MYO1C: variants seen among roughly 807,000 people sequenced by gnomAD.
MYO1C encodes unconventional myosin-Ic.
MYO1C carries 104 observed loss-of-function variants against 150.8 expected under a neutral mutation model. That is an observed-to-expected ratio of 0.69 (90% CI 0.59 to 0.81). MYO1C has a LOEUF of 0.81. Among genes scored for constraint, MYO1C ranks in the 30% least tolerant of loss-of-function variants. The pLI is 0.00. For synonymous variants in MYO1C, 663 were observed against 579.9 expected (o/e 1.14, Z -2.06); for missense variants, 1,504 against 1,435.0 (o/e 1.05, Z -0.78).
At position 1,479,397 on chromosome 17, in the gene MYO1C, C is replaced by A; in HGVS notation, c.1092+34G>T. 1 of 977,012 alleles carries A rather than the reference C, an allele frequency of 1.0e-6. No individual in the cohort carries two copies. The highest frequency in any genetic ancestry group is 1.6e-6 in the Non-Finnish European group (1 of 631,984). The allele number at this position is 977,012 out of a possible 1,614,324, so 60.5% of individuals were successfully genotyped here. A position where few individuals can be genotyped will look rare whatever the true frequency, so the allele number is the denominator to read the frequency against. ...GTAGGGGCTGCCTTGGAACAGCTGC[C>A]CCTCCACACCCGAGGGCAAGGGCCC... On this transcript the variant is annotated intron_variant, in intron 9 of 31. Transcript: ENST00000648651. This position sits in a 1 kb window ranked among gnomAD's most constrained non-coding sequence, Gnocchi z 4.2.
intron 13 of MYO1C, 129 bp from the exon 14 acceptor site, chr17:1,477,725 T>C: frequency 1.0e-6 from 1 of 994,212 alleles, no homozygotes; most frequent in Non-Finnish European, 1.6e-6. Context: ...CACAGAGAGC[T>C]TCCAACTGGG....
In MYO1C at chr17:1,478,809, A is replaced by G. The variant is rs2074454201; in HGVS notation, c.1093-74T>C. On this transcript the variant is annotated intron_variant, in intron 9 of 31. Coordinates refer to ENST00000648651, the MANE Select transcript of MYO1C (RefSeq NM_001080779.2). The surrounding 1 kb of genome is among the most constrained non-coding windows in gnomAD (Gnocchi z 6.3). ...ATCCCACCTGCTCCCAGGCTCAGGC[A>G]GACCAGGAAGCCGCCACCACTCTGC... The G allele has an allele frequency of 6.2e-7, 1 of 1,600,372 alleles. No homozygotes were observed. The highest frequency in any genetic ancestry group is 1.3e-5 in the African/African-American group (1 of 74,922).
intron 1 of MYO1C, among the ~76,000 whole-genome samples, chr17:1,490,150 C>G (rs1337327704): frequency 6.6e-6 from 1 of 151,654 alleles, no homozygotes; most frequent in Non-Finnish European, 1.5e-5. Context: ...CTGGCATTAA[C>G]AGGCCTGCTC....
At chr17:1,482,363 C>G in intron 5 of MYO1C, 115 bp downstream of exon 5, 2 of 981,776 alleles carry the variant, frequency 2.0e-6, no homozygotes, top group Non-Finnish European at 3.3e-6. Context: ...TTTTTGTTTG[C>G]TTTGTTTGAC....
At chr17:1,466,994 GTGATCCACCCGCCTCAGCCTCCCAA>G (rs2074186046) in intron 31 of MYO1C, among the ~76,000 whole-genome samples, 4 of 152,132 alleles carry the variant, frequency 2.6e-5, no homozygotes, top group African/African-American at 4.8e-5. Flanking sequence ...CTGGCCTCTG[GTGATCCACCCGCCTCAGCCTCCCAA>G]AGTGCTGGGA....
At chr17:1,465,861 C>A in intron 31 of MYO1C, 109 bp from the exon 32 acceptor site, 1 of 780,940 alleles carries the variant, frequency 1.3e-6, no homozygotes, top group South Asian at 5.0e-5. Flanking sequence ...AGAATGGGGT[C>A]TCGCTATATT....
intron 7 of MYO1C, among the ~76,000 whole-genome samples, 181 bp downstream of exon 7, chr17:1,480,346 G>C (rs2074493093): frequency 6.6e-6 from 1 of 151,462 alleles, no homozygotes; most frequent in South Asian, 2.1e-4. Flanking sequence ...TACTCGGGAG[G>C]CTGAGGCAGG....
intron 22 of MYO1C, 42 bp from the exon 23 acceptor site, chr17:1,470,561 C>G: frequency 6.4e-7 from 1 of 1,570,312 alleles, no homozygotes; most frequent in Non-Finnish European, 8.6e-7. Context: ...ATCTTCTTAC[C>G]ATGGTGGCCC....
In MYO1C at chr17:1,466,627, CTT is replaced by C. The variant is rs35026657; in HGVS notation, c.3165+613_3165+614del. 7.8e-4 allele frequency among the ~76,000 whole-genome samples: 104 copies of C among 132,662 alleles called. 1 individual carries two copies. Among genetic ancestry groups the C allele is most frequent in the Admixed American group, 1.9e-3 (25 of 13,184 alleles). The allele number at this position is 132,662 out of a possible 152,430, so 87.0% of individuals were successfully genotyped here. ...ACAGGCGTGAGCCACTGTGCCTGGC[CTT>C]TTTTTTTTTTTTTGAGATGACATCT... On this transcript the variant is annotated intron_variant, in intron 31 of 31. Transcript: ENST00000648651.
chr17:1,466,340 C>T (rs2074170819), intron 31 of MYO1C, among the ~76,000 whole-genome samples: 1 of 151,482 alleles, frequency 6.6e-6, no homozygotes, highest in East Asian at 1.9e-4. Context: ...TTTTTGTATA[C>T]AAATTCTGAG....
At chr17:1,483,543 A>C (rs2074583104) in intron 3 of MYO1C, 67 bp downstream of exon 3, 15 of 1,131,610 alleles carry the variant, frequency 1.3e-5, no homozygotes, top group Non-Finnish European at 2.0e-5. Context: ...GAGTAAGGTA[A>C]GGGTTGGGCG....
rs757303646 is a variant in MYO1C, at chr17:1,467,555, T to C, written c.2990A>G (p.Asp997Gly). The C allele has an allele frequency of 1.2e-6, 2 of 1,613,376 alleles. No homozygotes were observed. Among genetic ancestry groups the C allele is most frequent in the East Asian group, 2.2e-5 (1 of 44,846 alleles). The change falls in exon 30 of 32, where the codon GAC becomes GGC. Residue 997 changes from aspartate (D) to glycine (G), a missense_variant. Asp to Gly is a moderately conservative substitution (Grantham distance 94). Transcript: ENST00000648651. ...KQKGDVVLQS[D>G]HVIETLTKTA... Reference sequence around the variant, plus strand: ...CTTGGTCAGCGTCTCAATCACGTGGTCACTCTGCAGCACCACATCTCCCTG... The same window carrying C: ...CTTGGTCAGCGTCTCAATCACGTGGCCACTCTGCAGCACCACATCTCCCTG...
intron 24 of MYO1C, 36 bp from the exon 25 acceptor site, chr17:1,469,650 C>T: frequency 1.3e-6 from 2 of 1,522,848 alleles, no homozygotes; most frequent in East Asian, 2.3e-5. Context: ...TCCTGGACAC[C>T]CTGGGCCCTT....
intron 17 of MYO1C, among the ~76,000 whole-genome samples, 163 bp downstream of exon 17, chr17:1,474,447 A>AAAG (rs1567521528): frequency 6.7e-6 from 1 of 149,116 alleles, no homozygotes. Context: ...AAAAAAAAAA[A>AAAG]AAAGTAGGCA....
At chr17:1,492,383 C>G (rs765707163) in intron 1 of MYO1C, 30 bp downstream of exon 1, 1 of 1,580,108 alleles carries the variant, frequency 6.3e-7, no homozygotes, top group African/African-American at 1.4e-5. Context: ...CGCTCCCACC[C>G]TCCTCCCAGC....
chr17:1,484,662 G>C, intron 1 of MYO1C: 1 of 454,948 alleles, frequency 2.2e-6, no homozygotes, highest in East Asian at 4.4e-5. Flanking sequence ...GAAAGGGGGG[G>C]TCACAAGAAG....
chr17:1,470,424 C>T lies in MYO1C; in HGVS notation c.2366+11G>A, dbSNP rs1014451564. 1 of 1,550,204 alleles carries T rather than the reference C, an allele frequency of 6.5e-7. No homozygotes were observed. Among genetic ancestry groups the T allele is most frequent in the African/African-American group, 1.4e-5 (1 of 73,042 alleles). On this transcript the variant is annotated intron_variant, in intron 23 of 31. Transcript: ENST00000648651. ...TGCTCTGCAGCCCCCACAAGGCACC[C>T]TGGCGCTCACCGCCGGATGGTCTGT...
rs1329443627 is a variant in MYO1C, at chr17:1,479,019, GCTT to G, written c.1093-287_1093-285del. 6.6e-6 allele frequency among the ~76,000 whole-genome samples: 1 copy of G among 152,140 alleles called. No homozygotes were observed. Among genetic ancestry groups the G allele is most frequent in the East Asian group, 1.9e-4 (1 of 5,184 alleles). Reference sequence around the variant, plus strand: ...GTGACCCTGGCCAGCTCACTGTGCTGCTTCTTTTTTTTGAGACAGAGTCTAGCT... The same window carrying G: ...GTGACCCTGGCCAGCTCACTGTGCTGCTTTTTTTTGAGACAGAGTCTAGCT... On this transcript the variant is annotated intron_variant, in intron 9 of 31. Transcript: ENST00000648651. This position sits in a 1 kb window ranked among gnomAD's most constrained non-coding sequence, Gnocchi z 4.2.
rs557155317 is a variant in MYO1C, at chr17:1,469,519, C to T, written c.2610+12G>A. On this transcript the variant is annotated intron_variant, in intron 25 of 31. Coordinates refer to ENST00000648651, the MANE Select transcript of MYO1C (RefSeq NM_001080779.2). ...CCACTTCCTCATCCTCACCCAGCCC[C>T]GCTCTCCGTACCTGCTGCTTCCACT... 15 of 1,603,538 alleles carry T rather than the reference C, an allele frequency of 9.4e-6. No homozygotes were observed. Among genetic ancestry groups the T allele is most frequent in the East Asian group, 4.5e-5 (2 of 44,574 alleles).
Sources: gnomAD v4.1 joint callset for allele counts (sites outside exome capture counted in the v4.1 genomes callset) on GRCh38, gnomAD v4.1.1 for gene constraint, Gnocchi (gnomAD v3.1) non-coding constraint, MANE v1.5 for transcripts, NCBI Gene and HGNC (gene_info 2026-07-23, HGNC 2026-07-21) for gene names.